Variants in SERF2 observed in about 807,000 individuals in gnomAD.
SERF2 encodes the protein small EDRK-rich factor 2.
In SERF2, 4 loss-of-function variants were observed where a neutral mutation model predicts 10.7. The ratio of observed to expected loss-of-function variants is 0.37; its 90% CI spans 0.18 to 0.86. The LOEUF (loss-of-function observed/expected upper bound fraction) is 0.86, where lower values mean the gene tolerates loss of function less well. SERF2 is among the 40% of genes least tolerant of loss of function. SERF2 has a pLI of 0.43. For missense variants in SERF2, 47 were observed against 79.1 expected (o/e 0.59, Z 1.54); for synonymous variants, 26 against 26.0 (o/e 1.00, Z 0.01).
rs1428908502 is a variant in SERF2 at position 43,794,244 on chromosome 15, A to AAG, written c.*473_*474dup. On this transcript the variant is annotated 3_prime_UTR_variant, in exon 3 of 3. Transcript: ENST00000249786. ...CGGATATGCAGTAGAGGAATCCTCT[A>AAG]AGAACCATAGAGACTTCTTTTCTGT... is the stretch of plus-strand genomic sequence containing the variant. The AAG allele has an allele frequency of 2.4e-6, 1 of 420,084 alleles. No individual in the cohort carries two copies. Among genetic ancestry groups the AAG allele is most frequent in the African/African-American group, 2.0e-5 (1 of 49,584 alleles). 26.0% of individuals were successfully genotyped at this position (420,084 alleles called of 1,614,324 possible).
upstream of SERF2, chr15:43,791,796 T>C (rs1374980913): frequency 6.4e-6 from 1 of 155,668 alleles, no homozygotes; most frequent in African/African-American, 2.4e-5. Flanking sequence ...AAGGGGACAA[T>C]GGGAGTAGAA....
In SERF2 at chr15:43,794,115, A is replaced by T. The variant is rs945965170; in HGVS notation, c.*342A>T. On this transcript the variant is annotated 3_prime_UTR_variant, in exon 3 of 3. Coordinates refer to ENST00000249786, the MANE Select transcript of SERF2 (RefSeq NM_001018108.4). ...GAAGAATGACTGCCCTTTCCCACCAAAAAAGGGAGAACTCTTTAGATTCAG... is the reference window on the plus strand; with the variant it reads ...GAAGAATGACTGCCCTTTCCCACCATAAAAGGGAGAACTCTTTAGATTCAG... The T allele has an allele frequency of 1.4e-6, 1 of 724,080 alleles. No homozygotes were observed. The highest frequency in any genetic ancestry group is 2.0e-5 in the South Asian group (1 of 49,562). The allele number at this position is 724,080 out of a possible 1,614,324, so 44.9% of individuals were successfully genotyped here.
chr15:43,793,424 C>T, intron 2 of SERF2: 1 of 757,746 alleles, frequency 1.3e-6, no homozygotes, highest in East Asian at 2.7e-5. Flanking sequence ...CCTCCCTTCT[C>T]CCAACCTCCT....
rs772059515 is a variant in SERF2 at position 43,795,483 on chromosome 15, G to T, written c.*1710G>T. ...AGTTGTAGGAAAGATGCTGGACTTG[G>T]ACTGGAGGAGCTGGAGGGGTTTCTT... On this transcript the variant is annotated 3_prime_UTR_variant, in exon 3 of 3. Transcript: ENST00000249786. 5.6e-6 allele frequency: 9 copies of T among 1,614,082 alleles called. No homozygotes were observed. The East Asian group carries it at 1.8e-4, about 32-fold the overall frequency.
chr15:43,788,238 T>C (rs563088681), upstream of SERF2, among the ~76,000 whole-genome samples: 3 of 152,030 alleles, frequency 2.0e-5, no homozygotes, highest in Non-Finnish European at 4.4e-5. Flanking sequence ...CTCAGACTCC[T>C]GGCCTCAAGG....
chr15:43,794,866 T>G lies in SERF2; in HGVS notation c.*1093T>G. 1 of 695,746 alleles carries G rather than the reference T, an allele frequency of 1.4e-6. No individual in the cohort carries two copies. Among genetic ancestry groups the G allele is most frequent in the Non-Finnish European group, 2.5e-6 (1 of 407,246 alleles). 43.1% of individuals were successfully genotyped at this position (695,746 alleles called of 1,614,324 possible). On this transcript the variant is annotated 3_prime_UTR_variant, in exon 3 of 3. Coordinates refer to ENST00000249786, the MANE Select transcript of SERF2 (RefSeq NM_001018108.4). ...GACTGTGTTTGACCACTTCTTCCAG[T>G]TCATAGTATTGACTTCAGCCCAAAC...
rs1012960891 is a variant in SERF2 at position 43,794,651 on chromosome 15, G to C, written c.*878G>C. Reference sequence around the variant, plus strand: ...TTTTCCTTTCTCCAAGGGCAGAGCCGAGTCTTCAGTCCCTGTTGGTCTTTC... The same window carrying C: ...TTTTCCTTTCTCCAAGGGCAGAGCCCAGTCTTCAGTCCCTGTTGGTCTTTC... On this transcript the variant is annotated 3_prime_UTR_variant, in exon 3 of 3. Transcript: ENST00000249786. 8.8e-6 allele frequency: 2 copies of C among 227,842 alleles called. No individual in the cohort carries two copies. The highest frequency in any genetic ancestry group is 1.7e-5 in the Non-Finnish European group (2 of 114,472). 14.1% of individuals were successfully genotyped at this position (227,842 alleles called of 1,614,324 possible). A position where few individuals can be genotyped will look rare whatever the true frequency, so the allele number is the denominator to read the frequency against.
At chr15:43,788,367 C>T (rs903336759), upstream of SERF2, among the ~76,000 whole-genome samples, 12 of 152,182 alleles carry the variant, frequency 7.9e-5, no homozygotes, top group African/African-American at 1.9e-4. Context: ...ACCTCGTGAT[C>T]GGCCCGCCTC....
At chr15:43,783,851 T>G (rs948492030) in intron 1 of SERF2, among the ~76,000 whole-genome samples, 3 of 149,528 alleles carry the variant, frequency 2.0e-5, no homozygotes, top group Non-Finnish European at 3.0e-5. Context: ...AACCTCCACC[T>G]CTGGGTTCAT....
chr15:43,795,518 GCCTCGCAGCCCCACCC>G lies in SERF2; in HGVS notation c.*1747_*1762del, dbSNP rs1240095124. 1 of 1,614,138 alleles carries G rather than the reference GCCTCGCAGCCCCACCC, an allele frequency of 6.2e-7. No individual in the cohort carries two copies. Among genetic ancestry groups the G allele is most frequent in the East Asian group, 2.2e-5 (1 of 44,888 alleles). On this transcript the variant is annotated 3_prime_UTR_variant, in exon 3 of 3. Coordinates refer to ENST00000249786, the MANE Select transcript of SERF2 (RefSeq NM_001018108.4). ...GCTGGAGGGGTTTCTTGGTCAGCTGGCCTCGCAGCCCCACCCCTTTGCCCTGGAGAGAGGAAATGGC... is the reference window on the plus strand; with the variant it reads ...GCTGGAGGGGTTTCTTGGTCAGCTGGCTTTGCCCTGGAGAGAGGAAATGGC...
chr15:43,786,067 T>TC lies in SERF2; in HGVS notation c.-402+535dup, dbSNP rs549974789. 3.9e-5 allele frequency among the ~76,000 whole-genome samples: 6 copies of TC among 152,022 alleles called. No homozygotes were observed. The South Asian group carries it at 1.2e-3, about 32-fold the overall frequency. On this transcript the variant is annotated intron_variant, in intron 2 of 4. Transcript: ENST00000381359. ...CTATTTTTATGTTAGGACTGTTTTC[T>TC]CCAACGCTTGGTGATCTTTGGCTCT...
Position 43,795,004 on chromosome 15 carries a change from A to C in SERF2, c.*1231A>C. On this transcript the variant is annotated 3_prime_UTR_variant, in exon 3 of 3. Coordinates refer to ENST00000249786, the MANE Select transcript of SERF2 (RefSeq NM_001018108.4). ...ACCCCAGTTTGTGAAAAGGACTTAG[A>C]CTGGAGGATATTTGTTATCTGGGGA... The C allele has an allele frequency of 3.1e-6, 5 of 1,609,622 alleles. No individual in the cohort carries two copies. The highest frequency in any genetic ancestry group is 4.2e-6 in the Non-Finnish European group (5 of 1,178,788).
rs374209587 is a variant in SERF2 at position 43,792,395 on chromosome 15, G to C, written c.7+12G>C. 4.3e-6 allele frequency: 7 copies of C among 1,613,760 alleles called. No individual in the cohort carries two copies. The African/African-American group carries it at 8.0e-5, about 18-fold the overall frequency. ...CGTCGCCATGACCCGTGAGCACCGAGCCCCCTTCTCCTTGCCCTTTTCTTT... is the reference window on the plus strand; with the variant it reads ...CGTCGCCATGACCCGTGAGCACCGACCCCCCTTCTCCTTGCCCTTTTCTTT... On this transcript the variant is annotated intron_variant, in intron 1 of 2. Coordinates refer to ENST00000249786, the MANE Select transcript of SERF2 (RefSeq NM_001018108.4).
upstream of SERF2, among the ~76,000 whole-genome samples, chr15:43,790,041 C>T (rs2087040095): frequency 6.6e-6 from 1 of 151,686 alleles, no homozygotes; most frequent in South Asian, 2.1e-4. Flanking sequence ...ACTCGGGAAG[C>T]TGAGGCAGGA....
Position 43,795,908 on chromosome 15 carries a change from T to C in SERF2, c.*2135T>C. ...GTGCAGACTTTGGTAAGATGTTTAA[T>C]CTTTTGTGCCTCGATTTCTCCATTT... On this transcript the variant is annotated 3_prime_UTR_variant, in exon 3 of 3. Transcript: ENST00000249786. The C allele has an allele frequency of 1.5e-6, 1 of 683,042 alleles. No individual in the cohort carries two copies. Among genetic ancestry groups the C allele is most frequent in the South Asian group, 1.9e-5 (1 of 51,948 alleles). 42.3% of individuals were successfully genotyped at this position (683,042 alleles called of 1,614,324 possible).
intron 1 of SERF2, among the ~76,000 whole-genome samples, chr15:43,782,514 C>A (rs904625197): frequency 6.6e-6 from 1 of 152,130 alleles, no homozygotes; most frequent in African/African-American, 2.4e-5. Flanking sequence ...CAAATACAAT[C>A]AGATAATTTA....
At chr15:43,783,671 C>T (rs2086982296) in intron 1 of SERF2, among the ~76,000 whole-genome samples, 1 of 151,994 alleles carries the variant, frequency 6.6e-6, no homozygotes, top group African/African-American at 2.4e-5. Context: ...ACAATCATAG[C>T]TCACTGCAGC....
Position 43,795,256 on chromosome 15 carries a change from A to G in SERF2, c.*1483A>G. Reference sequence around the variant, plus strand: ...CTGGTTAGAGAATATGAAGGGCCTTAGCTTTTAGACCTGTTCTACCTCCTC... The same window carrying G: ...CTGGTTAGAGAATATGAAGGGCCTTGGCTTTTAGACCTGTTCTACCTCCTC... On this transcript the variant is annotated 3_prime_UTR_variant, in exon 3 of 3. Transcript: ENST00000249786. 1 of 1,603,668 alleles carries G rather than the reference A, an allele frequency of 6.2e-7. No homozygotes were observed. The highest frequency in any genetic ancestry group is 8.5e-7 in the Non-Finnish European group (1 of 1,170,712).
intron 2 of SERF2, among the ~76,000 whole-genome samples, chr15:43,786,755 C>T (rs1361597360): frequency 6.6e-6 from 1 of 152,200 alleles, no homozygotes; most frequent in Non-Finnish European, 1.5e-5. Context: ...CTTTCTGCTA[C>T]TCATTTGCTT....
Sources: gnomAD v4.1 joint callset for allele counts (sites outside exome capture counted in the v4.1 genomes callset) on GRCh38, gnomAD v4.1.1 for gene constraint, MANE v1.5 for transcripts, NCBI Gene and HGNC (gene_info 2026-07-23, HGNC 2026-07-21) for gene names.